Variants in NCAN observed in about 807,000 individuals in gnomAD.
The protein encoded by NCAN is neurocan core protein.
A neutral mutation model predicts 121.8 loss-of-function variants in NCAN; 47 were observed. The ratio of observed to expected loss-of-function variants is 0.39; its 90% CI spans 0.31 to 0.49. NCAN has a LOEUF of 0.49. NCAN is among the 20% of genes least tolerant of loss of function. NCAN has a pLI of 0.92. For synonymous variants in NCAN, 633 were observed against 702.0 expected, an observed-to-expected ratio of 0.90 and a Z score of 1.55; for missense variants, 1,517 against 1,773.4, an observed-to-expected ratio of 0.86 and a Z score of 2.60.
At chr19:19,230,883 C>CTGTGTG (rs367759381) in intron 8 of NCAN, among the ~76,000 whole-genome samples, 1,299 of 121,818 alleles carry the variant, frequency 0.011, 23 homozygotes, top group African/African-American at 0.031. Flanking sequence ...CCACACCCGG[C>CTGTGTG]TGTGTGTGTG....
At chr19:19,238,106 G>C in intron 10 of NCAN, 147 bp from the exon 11 acceptor site, 1 of 980,022 alleles carries the variant, frequency 1.0e-6, no homozygotes. Flanking sequence ...AGAGCCTCAG[G>C]AGGAGGGGCC....
intron 9 of NCAN, among the ~76,000 whole-genome samples, chr19:19,234,735 G>T (rs2060874764): frequency 5.3e-5 from 8 of 152,236 alleles, no homozygotes; most frequent in Admixed American, 5.2e-4. Flanking sequence ...AGGTAGAACA[G>T]TCTGCACATC....
At position 19,238,399 on chromosome 19, in the gene NCAN, A is replaced by T. The variant is rs770465996; in HGVS notation, c.3397A>T (p.Ser1133Cys). ...CAGCGTCCACTCACCGGAGGAACACAGCTTCATTAATAGTAGGGGCTCTGG... is the reference window on the plus strand; with the variant it reads ...CAGCGTCCACTCACCGGAGGAACACTGCTTCATTAATAGTAGGGGCTCTGG... ...LTSVHSPEEH[S>C]FINSFGHENT... The change falls in exon 11 of 15, where the codon AGC (serine) becomes TGC (cysteine). Residue 1133 changes from serine (S) to cysteine (C), a missense_variant. Transcript: ENST00000252575. 6.2e-7 allele frequency: 1 copy of T among 1,614,156 alleles called. No homozygotes were observed. Among genetic ancestry groups the T allele is most frequent in the East Asian group, 2.2e-5 (1 of 44,880 alleles).
chr19:19,235,061 G>A lies in NCAN; in HGVS notation c.3215G>A (p.Cys1072Tyr). The A allele has an allele frequency of 6.2e-7, 1 of 1,612,776 alleles. No homozygotes were observed. The highest frequency in any genetic ancestry group is 8.5e-7 in the Non-Finnish European group (1 of 1,179,092). ...GAGGTCAATGGCTTTGTCTGCCTTT[G>A]CCTCCCCAGCTATGGGGGCAGCTTT... Reference protein sequence around the residue: ...IDEVNGFVCLCLPSYGGSFCE... With the variant: ...IDEVNGFVCLYLPSYGGSFCE... Residue 1072 changes from cysteine (C) to tyrosine (Y), a missense_variant, in exon 10 of 15, where the codon TGC becomes TAC. Physicochemically the swap from Cys to Tyr is radical, Grantham distance 194. Transcript: ENST00000252575.
At chr19:19,224,875 C>G (rs2146541504) in intron 5 of NCAN, 102 bp from the exon 6 acceptor site, 3 of 1,078,210 alleles carry the variant, frequency 2.8e-6, no homozygotes, top group East Asian at 3.1e-5. Context: ...CTAACCACCA[C>G]CCTAACACGT....
intron 12 of NCAN, 136 bp downstream of exon 12, chr19:19,240,821 C>G: frequency 1.2e-6 from 1 of 830,486 alleles, no homozygotes; most frequent in Non-Finnish European, 2.0e-6. Context: ...CTGGAGTTGG[C>G]AAAGGAGCTT....
chr19:19,220,209 G>A (rs1423319907), intron 3 of NCAN, among the ~76,000 whole-genome samples: 1 of 150,534 alleles, frequency 6.6e-6, no homozygotes, highest in Non-Finnish European at 1.5e-5. Context: ...GTGCAGTGGT[G>A]CTATCTAAGC....
intron 8 of NCAN, among the ~76,000 whole-genome samples, chr19:19,231,838 C>T (rs542396234): frequency 7.9e-5 from 12 of 151,968 alleles, no homozygotes; most frequent in African/African-American, 2.4e-4. Context: ...TAAAATTAGC[C>T]GGGCATGGTG....
Position 19,248,021 on chromosome 19 carries a change from A to C in NCAN, c.3638-679A>C, listed in dbSNP as rs145876852. Among the ~76,000 whole-genome samples, 257 of 152,024 alleles carry C rather than the reference A, an allele frequency of 1.7e-3. 1 individual carries two copies. Among genetic ancestry groups the C allele is most frequent in the East Asian group, 0.016 (82 of 5,152 alleles). ...AAATTAGCTAGGCTCGGTGGTGCGC[A>C]CCTGTAGTCTCAGCTACTTGAGAGG... On this transcript the variant is annotated intron_variant, in intron 13 of 14. Transcript: ENST00000252575.
chr19:19,219,376 C>T (rs2060807711), intron 3 of NCAN, 60 bp downstream of exon 3: 21 of 1,419,346 alleles, frequency 1.5e-5, no homozygotes, highest in East Asian at 2.5e-5. Context: ...AGCCTGGAGC[C>T]CACCCACTGA....
rs1231819106 is a variant in NCAN at position 19,228,310 on chromosome 19, C to T, written c.2690C>T (p.Pro897Leu). 38 of 1,613,850 alleles carry T rather than the reference C, an allele frequency of 2.4e-5. No homozygotes were observed. Among genetic ancestry groups the T allele is most frequent in the Non-Finnish European group, 3.1e-5 (36 of 1,180,032 alleles). ...MSTLGSSSSQ[P>L]HPEPEDQVET... is the part of the protein sequence containing the mutation. ...ACACTGGGCTCCTCAAGCTCCCAAC[C>T]CCACCCAGAGCCAGAGGATCAGGTG... Residue 897 changes from proline (P) to leucine (L), a missense_variant, in exon 8 of 15, where the codon CCC becomes CTC. Physicochemically the swap from Pro to Leu is moderately conservative, Grantham distance 98. Transcript: ENST00000252575.
chr19:19,228,790 A>T (rs550228739), intron 8 of NCAN, 151 bp downstream of exon 8: 1 of 884,708 alleles, frequency 1.1e-6, no homozygotes, highest in East Asian at 2.7e-5. Context: ...GGAGCTTATC[A>T]GGTGGAGTTG....
chr19:19,247,499 T>C (rs1469874376), intron 13 of NCAN, among the ~76,000 whole-genome samples: 1 of 152,074 alleles, frequency 6.6e-6, no homozygotes, highest in East Asian at 1.9e-4. Context: ...GTGATCCGCC[T>C]GCCTCGGCCT....
At chr19:19,241,300 T>C (rs1394987827) in intron 12 of NCAN, among the ~76,000 whole-genome samples, 2 of 151,206 alleles carry the variant, frequency 1.3e-5, no homozygotes, top group Non-Finnish European at 2.9e-5. Flanking sequence ...TGGTGGTCCA[T>C]GCTTGTAATC....
In NCAN at chr19:19,219,030, G is replaced by C; in HGVS notation, c.189G>C (p.Leu63=). Residue 63 remains leucine, a synonymous_variant, in exon 3 of 15, where the codon CTG becomes CTC. Coordinates refer to ENST00000252575, the MANE Select transcript of NCAN (RefSeq NM_004386.3). Reference sequence around the variant, plus strand: ...TGGCCCTGCCCTGTCTCTTTACCCTGCAGCCACGGCCAAGCGCAGCCCGAG... The same window carrying C: ...TGGCCCTGCCCTGTCTCTTTACCCTCCAGCCACGGCCAAGCGCAGCCCGAG... ...ELVALPCLFT[L]QPRPSAARDA... 1 of 1,611,240 alleles carries C rather than the reference G, an allele frequency of 6.2e-7. No homozygotes were observed. The highest frequency in any genetic ancestry group is 2.2e-5 in the East Asian group (1 of 44,828).
chr19:19,244,928 T>C (rs995638905), intron 12 of NCAN, among the ~76,000 whole-genome samples: 1 of 151,562 alleles, frequency 6.6e-6, no homozygotes, highest in African/African-American at 2.4e-5. Context: ...ACCAGGCTGG[T>C]CTTGAACTCC....
chr19:19,220,810 C>G (rs1370647854), intron 3 of NCAN, among the ~76,000 whole-genome samples: 1 of 152,126 alleles, frequency 6.6e-6, no homozygotes, highest in East Asian at 1.9e-4. Context: ...TAGTGCACAC[C>G]TGTAGTTTCA....
Position 19,225,007 on chromosome 19 carries a change from G to A in NCAN, c.809G>A (p.Arg270His). 6.8e-7 allele frequency: 1 copy of A among 1,471,208 alleles called. No individual in the cohort carries two copies. Among genetic ancestry groups the A allele is most frequent in the Non-Finnish European group, 8.9e-7 (1 of 1,119,110 alleles). The allele number at this position is 1,471,208 out of a possible 1,614,324, so 91.1% of individuals were successfully genotyped here. A position where few individuals can be genotyped will look rare whatever the true frequency, so the allele number is the denominator to read the frequency against. ...GTCTTCTACGTGGGCCCGGCCCGCC[G>A]CCTGACACTGGCCGGCGCGCGTGCA... is the stretch of plus-strand genomic sequence containing the variant. ...GEVFYVGPAR[R>H]LTLAGARAQC... is the part of the protein sequence containing the mutation. The change falls in exon 6 of 15, where the codon CGC (arginine) becomes CAC (histidine). Residue 270 changes from arginine to histidine, a missense_variant. Physicochemically the swap from Arg to His is conservative, Grantham distance 29. Coordinates refer to ENST00000252575, the MANE Select transcript of NCAN (RefSeq NM_004386.3). The surrounding 1 kb of genome is among the most constrained non-coding windows in gnomAD (Gnocchi z 4.0).
In NCAN at chr19:19,251,712, T is replaced by A. The variant is rs2060946844; in HGVS notation, c.*1801T>A. Reference sequence around the variant, plus strand: ...TAGGAAATGGTTAAGAAGTGTAAACTGAACCCTTATCCTTGTCTTCAATCT... The same window carrying A: ...TAGGAAATGGTTAAGAAGTGTAAACAGAACCCTTATCCTTGTCTTCAATCT... On this transcript the variant is annotated 3_prime_UTR_variant, in exon 15 of 15. Transcript: ENST00000252575. 6.6e-6 allele frequency: 1 copy of A among 152,242 alleles called. No homozygotes were observed. The highest frequency in any genetic ancestry group is 2.4e-5 in the African/African-American group (1 of 41,466). 9.4% of individuals were successfully genotyped at this position (152,242 alleles called of 1,614,324 possible). A position where few individuals can be genotyped will look rare whatever the true frequency, so the allele number is the denominator to read the frequency against.
Sources: gnomAD v4.1 joint callset for allele counts (sites outside exome capture counted in the v4.1 genomes callset) on GRCh38, gnomAD v4.1.1 for gene constraint, Gnocchi (gnomAD v3.1) non-coding constraint, MANE v1.5 for transcripts, NCBI Gene and HGNC (gene_info 2026-07-23, HGNC 2026-07-21) for gene names.